FSTL4: variants seen among roughly 807,000 people sequenced by gnomAD.
The protein encoded by FSTL4 is follistatin-related protein 4.
In FSTL4, 28 loss-of-function variants were observed where a neutral mutation model predicts 78.2. The ratio of observed to expected loss-of-function variants is 0.36; its 90% confidence interval spans 0.27 to 0.49. The LOEUF (loss-of-function observed/expected upper bound fraction) is 0.49. Ranked by LOEUF, FSTL4 falls within the 20% of genes least tolerant of loss-of-function variation. The pLI is 0.98. For missense variants in FSTL4, 922 were observed against 1,084.9 expected (o/e 0.85, Z 2.11); for synonymous variants, 422 against 440.5 (o/e 0.96, Z 0.53).
chr5:133,307,987 A>G (rs1044193590), intron 6 of FSTL4, among the ~76,000 whole-genome samples: 8 of 152,018 alleles, frequency 5.3e-5, no homozygotes, highest in Admixed American at 2.0e-4. Context: ...TCACCATGTT[A>G]GCCAGGATGG....
upstream of FSTL4, among the ~76,000 whole-genome samples, chr5:133,615,025 T>G (rs1158185585): frequency 6.6e-6 from 1 of 152,240 alleles, no homozygotes; most frequent in East Asian, 1.9e-4. Flanking sequence ...TGCCAAATGA[T>G]GTGTGTCTCT....
intron 6 of FSTL4, among the ~76,000 whole-genome samples, chr5:133,300,714 A>T (rs1753515608): frequency 6.6e-6 from 1 of 152,174 alleles, no homozygotes; most frequent in Admixed American, 6.5e-5. Flanking sequence ...GCACCATGGC[A>T]CAGAGGTAGA....
At chr5:133,548,856 A>G (rs950725415) in intron 3 of FSTL4, among the ~76,000 whole-genome samples, 67 of 152,182 alleles carry the variant, frequency 4.4e-4, no homozygotes, top group African/African-American at 1.5e-3. Flanking sequence ...AAAAACAGAA[A>G]ATAAGAGTAA....
chr5:133,239,822 T>C (rs1414285141), intron 7 of FSTL4, among the ~76,000 whole-genome samples: 1 of 152,118 alleles, frequency 6.6e-6, no homozygotes, highest in Non-Finnish European at 1.5e-5. Flanking sequence ...TGGAGAACTT[T>C]TGTGTCTAGC....
Position 133,233,175 on chromosome 5 carries a change from G to A in FSTL4, c.1015+242C>T, listed in dbSNP as rs568240579. The stretch of plus-strand genomic sequence containing the variant: ...GCTGCTGAGCGTGACTGGCCTGAAT[G>A]GCTCACGCCATGGCACTTGGATTTG... On this transcript the variant is annotated intron_variant, in intron 8 of 15. Coordinates refer to ENST00000265342, the MANE Select transcript of FSTL4 (RefSeq NM_015082.2). Among the ~76,000 whole-genome samples, 27 of 152,380 alleles carry A rather than the reference G, an allele frequency of 1.8e-4. No homozygotes were observed. In the South Asian group the frequency reaches 5.2e-3, roughly 29 times the overall value.
chr5:133,725,936 C>T, the FSTL4 span, among the ~76,000 whole-genome samples: 41 of 152,230 alleles, frequency 2.7e-4, no homozygotes, highest in Non-Finnish European at 4.1e-4. Context: ...TGAGTTAAAG[C>T]GTGAAACAAC....
chr5:133,406,333 C>T (rs1315149374), intron 3 of FSTL4, among the ~76,000 whole-genome samples: 3 of 152,224 alleles, frequency 2.0e-5, no homozygotes, highest in African/African-American at 7.2e-5. Context: ...ACTCAGTCTG[C>T]AGGGAGCTGT....
the FSTL4 span, among the ~76,000 whole-genome samples, chr5:133,802,250 G>A: frequency 0.13 from 19,084 of 152,172 alleles, 1,206 homozygotes; most frequent in East Asian, 0.18. Context: ...CCAAATCGAT[G>A]CATAATTCTG....
chr5:133,270,199 T>TA (rs1322548621), intron 6 of FSTL4: 1 of 152,216 alleles, frequency 6.6e-6, no homozygotes, highest in Non-Finnish European at 1.5e-5. Context: ...ACTGATACTT[T>TA]AAAAGCACAC....
intron 4 of FSTL4, among the ~76,000 whole-genome samples, chr5:133,372,029 A>G (rs1755317759): frequency 6.6e-6 from 1 of 152,222 alleles, no homozygotes; most frequent in African/African-American, 2.4e-5. Context: ...GACACTGACA[A>G]GCAGGGCATT....
the FSTL4 span, among the ~76,000 whole-genome samples, chr5:133,676,828 G>T: frequency 1.3e-5 from 2 of 152,150 alleles, no homozygotes; most frequent in Non-Finnish European, 2.9e-5. Flanking sequence ...GGGAAAAAAT[G>T]TATATTTCTT....
chr5:133,761,128 T>C, the FSTL4 span, among the ~76,000 whole-genome samples: 12 of 152,380 alleles, frequency 7.9e-5, 1 homozygote, highest in Admixed American at 5.2e-4. Flanking sequence ...TTTCTCATTT[T>C]GTTCTATTCT....
At chr5:133,331,403 G>A (rs980192468) in intron 4 of FSTL4, among the ~76,000 whole-genome samples, 1 of 152,170 alleles carries the variant, frequency 6.6e-6, no homozygotes, top group Non-Finnish European at 1.5e-5. Flanking sequence ...CTGATGTGAG[G>A]GGTGCCTGGA....
intron 3 of FSTL4, among the ~76,000 whole-genome samples, chr5:133,423,091 G>A (rs1370722415): frequency 6.6e-6 from 1 of 152,208 alleles, no homozygotes; most frequent in Admixed American, 6.5e-5. Context: ...TGCTGCCTGG[G>A]GGAAATGGAA....
chr5:133,676,463 A>G, the FSTL4 span, among the ~76,000 whole-genome samples: 1 of 152,164 alleles, frequency 6.6e-6, no homozygotes, highest in African/African-American at 2.4e-5. Flanking sequence ...TTCTTTCAAA[A>G]TTTCAGTTCT....
chr5:133,401,063 A>C, intron 3 of FSTL4, 77 bp from the exon 4 acceptor site: 39 of 1,519,736 alleles, frequency 2.6e-5, no homozygotes, highest in African/African-American at 4.1e-5. Context: ...TTTGTAGCTC[A>C]CAAGCACAGA....
At chr5:133,801,193 G>A in the FSTL4 span, among the ~76,000 whole-genome samples, 2 of 152,268 alleles carry the variant, frequency 1.3e-5, no homozygotes, top group African/African-American at 4.8e-5. Flanking sequence ...GCCCACTGCT[G>A]CGACTTTGCT....
rs1755080670 is a variant in FSTL4 at position 133,361,938 on chromosome 5, A to T, written c.409+38800T>A. On this transcript the variant is annotated intron_variant, in intron 4 of 15. Coordinates refer to ENST00000265342, the MANE Select transcript of FSTL4 (RefSeq NM_015082.2). This position sits in a 1 kb window ranked among gnomAD's most constrained non-coding sequence, Gnocchi z 4.3. Reference sequence around the variant, plus strand: ...CGTAGTTGAAAACATATTTATAATTATTTGAGCCTAGAACCTAACTCTAGT... The same window carrying T: ...CGTAGTTGAAAACATATTTATAATTTTTTGAGCCTAGAACCTAACTCTAGT... Among the ~76,000 whole-genome samples the T allele has an allele frequency of 6.6e-6, 1 of 152,216 alleles. No individual in the cohort carries two copies. The highest frequency in any genetic ancestry group is 2.4e-5 in the African/African-American group (1 of 41,464).
chr5:133,731,769 A>G, the FSTL4 span, among the ~76,000 whole-genome samples: 2 of 152,156 alleles, frequency 1.3e-5, no homozygotes, highest in East Asian at 1.9e-4. Context: ...AGGTGCAAGG[A>G]GCTGCTGACC....
Sources: allele counts gnomAD v4.1 joint callset (sites outside exome capture counted in the v4.1 genomes callset), GRCh38; gene constraint gnomAD v4.1.1; non-coding constraint Gnocchi (gnomAD v3.1); transcripts MANE v1.5; gene names NCBI Gene and HGNC (gene_info 2026-07-23, HGNC 2026-07-21).